TMEM117: variants seen among roughly 807,000 people sequenced by gnomAD.
TMEM117 encodes transmembrane protein 117.
Under a neutral mutation model 52.4 loss-of-function variants are expected in TMEM117, and 27 were observed. The observed-to-expected ratio is 0.51, with a 90% CI of 0.38 to 0.71. The LOEUF (loss-of-function observed/expected upper bound fraction) is 0.71. Ranked by LOEUF, TMEM117 falls within the 30% of genes least tolerant of loss-of-function variation. TMEM117 has a pLI of 0.00. For missense variants in TMEM117, 556 were observed against 630.5 expected (o/e 0.88, Z 1.26); for synonymous variants, 215 against 206.3 (o/e 1.04, Z -0.36).
intron 3 of TMEM117, among the ~76,000 whole-genome samples, chr12:43,956,605 A>G (rs1945312723): frequency 1.3e-5 from 2 of 152,172 alleles, no homozygotes. Flanking sequence ...CCACAATGAG[A>G]TACCATCTCA....
intron 3 of TMEM117, among the ~76,000 whole-genome samples, chr12:43,994,867 T>C (rs4323934): frequency 0.88 from 133,278 of 152,098 alleles, 59,743 homozygotes; most frequent in Non-Finnish European, 0.97. Flanking sequence ...TATTGTGTGC[T>C]AGAAGCACTA....
rs1948917528 is a variant in TMEM117, at chr12:44,162,959, A to G, written c.510+19335A>G. On this transcript the variant is annotated intron_variant, in intron 4 of 7. Transcript: ENST00000266534. ...CTGGTCACCAACATTGGAAAAATGC[A>G]TATGCAAAATTCCTACAACACTAAC... Among the ~76,000 whole-genome samples the G allele has an allele frequency of 3.3e-5, 5 of 152,340 alleles. No individual in the cohort carries two copies. In the South Asian group the frequency reaches 1.0e-3, roughly 32 times the overall value.
At chr12:44,173,763 C>T (rs1436073797) in intron 4 of TMEM117, among the ~76,000 whole-genome samples, 1 of 151,612 alleles carries the variant, frequency 6.6e-6, no homozygotes, top group East Asian at 1.9e-4. Flanking sequence ...TAGTTTTTTT[C>T]TTTGAAATAT....
chr12:44,023,452 G>A (rs1394165056), intron 3 of TMEM117, among the ~76,000 whole-genome samples: 2 of 152,026 alleles, frequency 1.3e-5, no homozygotes, highest in African/African-American at 4.8e-5. Context: ...CAGTGTAAAA[G>A]TGTTCCTATT....
chr12:44,175,398 A>G (rs932833956), intron 4 of TMEM117, among the ~76,000 whole-genome samples: 3 of 152,204 alleles, frequency 2.0e-5, no homozygotes, highest in Admixed American at 2.0e-4. Flanking sequence ...AGGGAGCACT[A>G]GAAGAAGAGC....
the TMEM117 span, chr12:43,796,924 A>G: frequency 6.4e-7 from 1 of 1,561,218 alleles, no homozygotes; most frequent in Non-Finnish European, 8.8e-7. Flanking sequence ...ACTACATAGA[A>G]ATGAAAAGAA....
intron 2 of TMEM117, among the ~76,000 whole-genome samples, chr12:43,942,694 A>G (rs1379573059): frequency 6.6e-6 from 1 of 152,148 alleles, no homozygotes; most frequent in Non-Finnish European, 1.5e-5. Context: ...AATGAAATCT[A>G]AAGTACTGTT....
chr12:44,301,255 G>A (rs1312494488), intron 6 of TMEM117, among the ~76,000 whole-genome samples: 6 of 152,006 alleles, frequency 3.9e-5, no homozygotes, highest in Admixed American at 3.9e-4. Context: ...CTTCAAGTGG[G>A]AAAATATAAC....
At chr12:44,348,410 T>C (rs1168064087) in intron 6 of TMEM117, among the ~76,000 whole-genome samples, 1 of 151,760 alleles carries the variant, frequency 6.6e-6, no homozygotes, top group African/African-American at 2.4e-5. Flanking sequence ...ATCATCACCC[T>C]TTACCCCAAG....
chr12:44,263,559 A>G (rs1195071749), intron 5 of TMEM117: 1 of 152,258 alleles, frequency 6.6e-6, no homozygotes, highest in Non-Finnish European at 1.5e-5. Context: ...TTATTGCAGC[A>G]CTATTCACAA....
At position 44,211,383 on chromosome 12, in the gene TMEM117, T is replaced by C; in HGVS notation, c.604T>C (p.Phe202Leu). 6.2e-7 allele frequency: 1 copy of C among 1,601,628 alleles called. No homozygotes were observed. Among genetic ancestry groups the C allele is most frequent in the East Asian group, 2.2e-5 (1 of 44,632 alleles). Residue 202 changes from phenylalanine (F) to leucine (L), a missense_variant, in exon 5 of 8, where the codon TTC becomes CTC. Phe to Leu is a conservative substitution (Grantham distance 22). Coordinates refer to ENST00000266534, the MANE Select transcript of TMEM117 (RefSeq NM_032256.3). The stretch of plus-strand genomic sequence containing the variant: ...GAAAGGAAATGTTAGGATCACTTTA[T>C]TCTGGTAGGAAATTGTTTCACTTAT... ...WKKGNVRITL[F>L]WTVLFTLTSV...
intron 3 of TMEM117, among the ~76,000 whole-genome samples, chr12:44,073,361 T>G (rs1947333065): frequency 2.0e-5 from 3 of 152,136 alleles, no homozygotes; most frequent in Non-Finnish European, 1.5e-5. Flanking sequence ...TCGGGCAAGT[T>G]ACTTTGCCCC....
intron 3 of TMEM117, among the ~76,000 whole-genome samples, chr12:44,040,122 A>G (rs1261121667): frequency 6.6e-6 from 1 of 152,252 alleles, no homozygotes; most frequent in Non-Finnish European, 1.5e-5. Context: ...TTGACATGAC[A>G]TCACGGAATG....
intron 6 of TMEM117, among the ~76,000 whole-genome samples, chr12:44,312,581 C>T (rs528748695): frequency 6.6e-6 from 1 of 152,044 alleles, no homozygotes; most frequent in African/African-American, 2.4e-5. Flanking sequence ...TGTGAGTGCA[C>T]ATGTCTTTTT....
chr12:44,328,595 T>A (rs1053921816), intron 6 of TMEM117, among the ~76,000 whole-genome samples: 1 of 151,914 alleles, frequency 6.6e-6, no homozygotes, highest in African/African-American at 2.4e-5. Flanking sequence ...ATCACTGATA[T>A]AACTTATAAC....
chr12:44,119,232 G>A (rs1948194445), intron 3 of TMEM117, among the ~76,000 whole-genome samples: 1 of 152,138 alleles, frequency 6.6e-6, no homozygotes, highest in Non-Finnish European at 1.5e-5. Flanking sequence ...TATGCTGTGT[G>A]CTTTTTAAAT....
At position 44,388,032 on chromosome 12, in the gene TMEM117, G is replaced by T; in HGVS notation, c.905G>T (p.Trp302Leu). 6.2e-7 allele frequency: 1 copy of T among 1,606,696 alleles called. No individual in the cohort carries two copies. The highest frequency in any genetic ancestry group is 1.1e-5 in the South Asian group (1 of 90,316). The change falls in exon 8 of 8, where the codon TGG becomes TTG. Residue 302 changes from tryptophan to leucine, a missense_variant. Physicochemically the swap from Trp to Leu is moderately conservative, Grantham distance 61. This residue lies in a region of TMEM117 where 328 missense variants were observed against 371.4 expected (regional missense o/e 0.88). Transcript: ENST00000266534. ...TATTTCTTTTTTAATGCAGGCAAAT[G>T]GTTTAACTATGGAATTATCTTCCTC... is the stretch of plus-strand genomic sequence containing the variant. ...EEYRIHITGKWFNYGIIFLVL... is the reference protein window; with the variant it reads ...EEYRIHITGKLFNYGIIFLVL...
intron 4 of TMEM117, among the ~76,000 whole-genome samples, chr12:44,153,008 A>G (rs1948776790): frequency 6.6e-6 from 1 of 151,378 alleles, no homozygotes. Context: ...GCTAACTAAA[A>G]GGTAAAAGAA....
rs781312092 is a variant in TMEM117 at position 44,027,132 on chromosome 12, A to ATATTTTATTTTATTT, written c.410+82843_410+82857dup. Among the ~76,000 whole-genome samples, 64 of 104,082 alleles carry ATATTTTATTTTATTT rather than the reference A, an allele frequency of 6.1e-4. 1 individual carries two copies. Among genetic ancestry groups the ATATTTTATTTTATTT allele is most frequent in the Admixed American group, 1.0e-3 (10 of 9,672 alleles). 68.3% of individuals were successfully genotyped at this position (104,082 alleles called of 152,430 possible). The stretch of plus-strand genomic sequence containing the variant: ...TTATTTTATCTTATTATTTTATTTT[A>ATATTTTATTTTATTT]TATTTTATTTTATTTTATTTTATTT... On this transcript the variant is annotated intron_variant, in intron 3 of 7. Coordinates refer to ENST00000266534, the MANE Select transcript of TMEM117 (RefSeq NM_032256.3).
Sources: gnomAD v4.1 joint callset for allele counts (sites outside exome capture counted in the v4.1 genomes callset) on GRCh38, gnomAD v4.1.1 for gene constraint, gnomAD v4.1.1 regional missense constraint, MANE v1.5 for transcripts, NCBI Gene and HGNC (gene_info 2026-07-23, HGNC 2026-07-21) for gene names.